The following FAM135B variants were observed in gnomAD, a reference collection of about 807,000 sequenced individuals.
The protein encoded by FAM135B is protein FAM135B.
A neutral mutation model predicts 127.7 loss-of-function variants in FAM135B; 43 were observed. The ratio of observed to expected loss-of-function variants is 0.34; its 90% CI spans 0.26 to 0.43. The LOEUF is 0.43. Among genes scored for constraint, FAM135B ranks in the 20% least tolerant of loss-of-function variants. FAM135B has a pLI of 1.00. For missense variants in FAM135B, 1,558 were observed against 1,725.6 expected (o/e 0.90, Z 1.72); for synonymous variants, 670 against 665.1 (o/e 1.01, Z -0.11).
chr8:138,465,813 C>T (rs1166520185), intron 1 of FAM135B, among the ~76,000 whole-genome samples: 3 of 151,848 alleles, frequency 2.0e-5, no homozygotes, highest in Non-Finnish European at 2.9e-5. Flanking sequence ...AGTCTCTCTC[C>T]GTTGCCCAGG....
At chr8:138,338,175 A>T (rs1211358947) in intron 2 of FAM135B, among the ~76,000 whole-genome samples, 7 of 152,156 alleles carry the variant, frequency 4.6e-5, no homozygotes, top group Non-Finnish European at 1.5e-5. Context: ...AACCTAGGCA[A>T]TACCATTCAG....
Position 138,222,105 on chromosome 8 carries a change from G to T in FAM135B, c.669+20837C>A, listed in dbSNP as rs537551926. Among the ~76,000 whole-genome samples, 9 of 152,246 alleles carry T rather than the reference G, an allele frequency of 5.9e-5. No homozygotes were observed. The South Asian group carries it at 1.9e-3, about 32-fold the overall frequency. ...GAGATGTGGAAGACAGAAAAGAGGA[G>T]ATGGAGAGAGAGAGAGACGGGAAGC... On this transcript the variant is annotated intron_variant, in intron 7 of 19. Transcript: ENST00000395297.
intron 5 of FAM135B, among the ~76,000 whole-genome samples, chr8:138,253,347 T>C (rs1392244798): frequency 1.3e-5 from 2 of 152,096 alleles, no homozygotes; most frequent in Non-Finnish European, 2.9e-5. Context: ...AATATGAGGT[T>C]AGGATAAAGC....
At chr8:138,473,424 C>G (rs796581384) in intron 1 of FAM135B, among the ~76,000 whole-genome samples, 6 of 152,276 alleles carry the variant, frequency 3.9e-5, no homozygotes, top group African/African-American at 1.4e-4. Context: ...GTCCCTGCTG[C>G]TTCTCCAATC....
In FAM135B at chr8:138,258,956, G is replaced by A. The variant is rs993025641; in HGVS notation, c.298-2197C>T. 7.3e-4 allele frequency among the ~76,000 whole-genome samples: 111 copies of A among 152,204 alleles called. 2 individuals are homozygous for A. Among genetic ancestry groups the A allele is most frequent in the African/African-American group, 2.5e-3 (103 of 41,542 alleles). Reference sequence around the variant, plus strand: ...TTGCAAACTAGTAGAAATAATATAAGAAGCTAGCATTTACAGAAGAGTTAT... The same window carrying A: ...TTGCAAACTAGTAGAAATAATATAAAAAGCTAGCATTTACAGAAGAGTTAT... On this transcript the variant is annotated intron_variant, in intron 4 of 19. Transcript: ENST00000395297.
At chr8:138,265,348 C>T (rs1822833402) in intron 4 of FAM135B, among the ~76,000 whole-genome samples, 1 of 152,078 alleles carries the variant, frequency 6.6e-6, no homozygotes. Flanking sequence ...ACCCAAGGGT[C>T]CCACATAGAG....
At chr8:138,309,892 C>G (rs555357565) in intron 3 of FAM135B, among the ~76,000 whole-genome samples, 2 of 124,002 alleles carry the variant, frequency 1.6e-5, no homozygotes, top group African/African-American at 6.3e-5. Flanking sequence ...TGGAGCTCCA[C>G]TCTGTCACCC....
At chr8:138,213,671 G>A (rs1818319306) in intron 7 of FAM135B, among the ~76,000 whole-genome samples, 1 of 152,104 alleles carries the variant, frequency 6.6e-6, no homozygotes, top group Admixed American at 6.5e-5. Flanking sequence ...AGCAAGAGAA[G>A]GATGGATTTA....
intron 1 of FAM135B, among the ~76,000 whole-genome samples, chr8:138,447,693 G>T (rs1313675853): frequency 1.3e-5 from 2 of 151,668 alleles, no homozygotes; most frequent in Admixed American, 6.6e-5. Flanking sequence ...AGCATTAGGA[G>T]ATATACCTAA....
intron 7 of FAM135B, among the ~76,000 whole-genome samples, chr8:138,201,676 G>A (rs147529852): frequency 1.7e-4 from 26 of 152,278 alleles, no homozygotes; most frequent in African/African-American, 5.5e-4. Context: ...GCACAAAGCA[G>A]TAACATTTTA....
chr8:138,179,360 T>A (rs572052234), intron 9 of FAM135B, among the ~76,000 whole-genome samples: 3 of 152,284 alleles, frequency 2.0e-5, no homozygotes, highest in African/African-American at 7.2e-5. Context: ...CTATCTCCTA[T>A]GTGTAAGGTA....
At chr8:138,200,632 C>T (rs564046181) in intron 7 of FAM135B, among the ~76,000 whole-genome samples, 1 of 152,098 alleles carries the variant, frequency 6.6e-6, no homozygotes, top group Non-Finnish European at 1.5e-5. Context: ...TGTCCCATTC[C>T]CCCCAGCCTA....
At chr8:138,151,158 C>T in intron 13 of FAM135B, 36 bp downstream of exon 13, 1 of 1,449,492 alleles carries the variant, frequency 6.9e-7, no homozygotes, top group Non-Finnish European at 9.2e-7. Flanking sequence ...ATCTAAAAGA[C>T]TGTTGTGGGA....
At position 138,250,823 on chromosome 8, in the gene FAM135B, T is replaced by C. The variant is rs1018627806; in HGVS notation, c.542+18A>G. On this transcript the variant is annotated intron_variant, in intron 6 of 19. Coordinates refer to ENST00000395297, the MANE Select transcript of FAM135B (RefSeq NM_015912.4). ...GAAGGTGGCTCCCACATATCAGGGC[T>C]GCCTCTGAACTTCATACCTGATCAA... 1 of 1,612,446 alleles carries C rather than the reference T, an allele frequency of 6.2e-7. No individual in the cohort carries two copies. Among genetic ancestry groups the C allele is most frequent in the African/African-American group, 1.3e-5 (1 of 74,882 alleles).
At chr8:138,311,466 G>T (rs1826677849) in intron 2 of FAM135B, among the ~76,000 whole-genome samples, 1 of 152,148 alleles carries the variant, frequency 6.6e-6, no homozygotes, top group African/African-American at 2.4e-5. Context: ...AGGACAATGT[G>T]CAGGTTCTCC....
At chr8:138,397,835 C>T (rs1314509368) in intron 1 of FAM135B, among the ~76,000 whole-genome samples, 5 of 152,084 alleles carry the variant, frequency 3.3e-5, no homozygotes, top group East Asian at 3.9e-4. Flanking sequence ...AACAAGGTGT[C>T]GCCATCCCTT....
Position 138,265,839 on chromosome 8 carries a change from C to T in FAM135B, c.161G>A (p.Ser54Asn), listed in dbSNP as rs2130632888. The T allele has an allele frequency of 6.2e-7, 1 of 1,613,274 alleles. No homozygotes were observed. The highest frequency in any genetic ancestry group is 8.5e-7 in the Non-Finnish European group (1 of 1,179,848). ...GACACAGGCTGAATGCAGGCTGCTGCTCTCTGCAAAACAAGAATCAGTAGG... is the reference window on the plus strand; with the variant it reads ...GACACAGGCTGAATGCAGGCTGCTGTTCTCTGCAAAACAAGAATCAGTAGG... ...LSASIAGQTE[S>N]SSLHSACVHD... The change falls in exon 4 of 20, where the codon AGC (serine) becomes AAC (asparagine). Residue 54 changes from serine (S) to asparagine (N), a missense_variant. By Grantham distance (46) the Ser-to-Asn change is conservative (BLOSUM62 1). Around this residue, in one of 5 missense-constraint regions of FAM135B, gnomAD observed 199 missense variants for 245.7 expected, o/e 0.81. Coordinates refer to ENST00000395297, the MANE Select transcript of FAM135B (RefSeq NM_015912.4).
chr8:138,453,997 G>T (rs1219699944), intron 1 of FAM135B, among the ~76,000 whole-genome samples: 3 of 151,936 alleles, frequency 2.0e-5, no homozygotes, highest in Non-Finnish European at 4.4e-5. Flanking sequence ...TTTCCCCAAG[G>T]TAATATAGAT....
intron 3 of FAM135B, among the ~76,000 whole-genome samples, chr8:138,300,332 C>T (rs1825795357): frequency 3.3e-5 from 5 of 151,930 alleles, no homozygotes; most frequent in Admixed American, 3.3e-4. Context: ...CCAAGGTATA[C>T]ATTCAGCAGA....
Sources: gnomAD v4.1 joint callset for allele counts (sites outside exome capture counted in the v4.1 genomes callset) on GRCh38, gnomAD v4.1.1 for gene constraint, gnomAD v4.1.1 regional missense constraint, MANE v1.5 for transcripts, NCBI Gene and HGNC (gene_info 2026-07-23, HGNC 2026-07-21) for gene names.